The following PDE3B variants were observed in gnomAD, a reference collection of about 807,000 sequenced individuals.
The protein encoded by PDE3B is phosphodiesterase 3B.
A neutral mutation model predicts 116.8 loss-of-function variants in PDE3B; 66 were observed. The ratio of observed to expected loss-of-function variants is 0.56; its 90% CI spans 0.46 to 0.69. The LOEUF is 0.69. PDE3B is among the 30% of genes least tolerant of loss of function. The pLI, the probability that PDE3B is intolerant of heterozygous loss-of-function variation, is 0.00. For synonymous variants in PDE3B, 595 were observed against 533.6 expected (o/e 1.12, Z -1.59); for missense variants, 1,384 against 1,368.1 (o/e 1.01, Z -0.18).
chr11:14,888,576 G>A, the PDE3B span, among the ~76,000 whole-genome samples: 1 of 152,020 alleles, frequency 6.6e-6, no homozygotes, highest in African/African-American at 2.4e-5. Flanking sequence ...CCTTTCTTGG[G>A]GCACTCTTTT....
At position 14,849,397 on chromosome 11, in the gene PDE3B, T is replaced by C. The variant is rs1480768719; in HGVS notation, c.2520+5371T>C. 2.6e-5 allele frequency among the ~76,000 whole-genome samples: 4 copies of C among 152,224 alleles called. No individual in the cohort carries two copies. In the South Asian group the frequency reaches 8.3e-4, roughly 32 times the overall value. On this transcript the variant is annotated intron_variant, in intron 12 of 15. Coordinates refer to ENST00000282096, the MANE Select transcript of PDE3B (RefSeq NM_000922.4). ...ACCATAAAAACCCTAGAAGAAAACC[T>C]AGGCATTACCATTCAGGAGATAGGC...
chr11:14,824,067 G>C (rs1859609901), intron 7 of PDE3B, among the ~76,000 whole-genome samples: 1 of 152,134 alleles, frequency 6.6e-6, no homozygotes, highest in Non-Finnish European at 1.5e-5. Flanking sequence ...CAGAAAAGTG[G>C]TCGGACTGTT....
chr11:14,891,931 C>A, the PDE3B span: 1 of 1,590,666 alleles, frequency 6.3e-7, no homozygotes, highest in African/African-American at 1.3e-5. Context: ...CCCTGGCCAG[C>A]CCGGGCCAGC....
intron 7 of PDE3B, among the ~76,000 whole-genome samples, chr11:14,824,029 C>T (rs558237884): frequency 3.3e-5 from 5 of 152,294 alleles, no homozygotes; most frequent in African/African-American, 1.2e-4. Flanking sequence ...CTAGCTAGTC[C>T]ATACCCGAGC....
chr11:14,756,722 A>ATAG (rs1458309074), intron 1 of PDE3B, among the ~76,000 whole-genome samples: 1 of 152,178 alleles, frequency 6.6e-6, no homozygotes, highest in Non-Finnish European at 1.5e-5. Flanking sequence ...GCACATGGTA[A>ATAG]CATATTCTAA....
At chr11:14,654,030 C>T (rs1052715125) in intron 1 of PDE3B, among the ~76,000 whole-genome samples, 20 of 151,866 alleles carry the variant, frequency 1.3e-4, no homozygotes, top group Admixed American at 7.9e-4. Context: ...AAAACACACA[C>T]ACACAAAGTT....
Position 14,777,538 on chromosome 11 carries a change from A to C in PDE3B, c.1029+5551A>C, listed in dbSNP as rs753945659. ...AACACATAACCTATAGGGGAACACC[A>C]ATTCAAGTAATAGCAGATTTCTCAT... is the stretch of plus-strand genomic sequence containing the variant. On this transcript the variant is annotated intron_variant, in intron 2 of 15. Transcript: ENST00000282096. 6.1e-4 allele frequency among the ~76,000 whole-genome samples: 93 copies of C among 152,226 alleles called. 3 individuals carry two copies. The highest frequency in any genetic ancestry group is 1.2e-3 in the Admixed American group (19 of 15,288).
intron 14 of PDE3B, 133 bp downstream of exon 14, chr11:14,861,499 C>T (rs1555007176): frequency 6.3e-6 from 5 of 796,034 alleles, no homozygotes; most frequent in Non-Finnish European, 1.0e-5. Flanking sequence ...AAAATTGTTG[C>T]ATTTGCTTTG....
At chr11:14,782,868 A>G (rs1304329139) in intron 2 of PDE3B, among the ~76,000 whole-genome samples, 1 of 150,876 alleles carries the variant, frequency 6.6e-6, no homozygotes, top group African/African-American at 2.5e-5. Context: ...CCATCTGACA[A>G]AAGGGCTAAT....
At chr11:14,892,585 C>G in the PDE3B span, among the ~76,000 whole-genome samples, 1 of 152,166 alleles carries the variant, frequency 6.6e-6, no homozygotes, top group Non-Finnish European at 1.5e-5. Flanking sequence ...TTTTAAGTAC[C>G]AGGTCTGCTT....
chr11:14,723,722 A>C (rs539779524), intron 1 of PDE3B, among the ~76,000 whole-genome samples: 1 of 152,148 alleles, frequency 6.6e-6, no homozygotes, highest in Non-Finnish European at 1.5e-5. Flanking sequence ...TGATTGGGCC[A>C]CTGTACTCCA....
chr11:14,728,322 A>G (rs1226181601), intron 1 of PDE3B, among the ~76,000 whole-genome samples: 1 of 152,102 alleles, frequency 6.6e-6, no homozygotes, highest in East Asian at 1.9e-4. Flanking sequence ...TTGTAACCTA[A>G]TGAAAATGTT....
chr11:14,839,185 A>G (rs541475789), intron 11 of PDE3B, among the ~76,000 whole-genome samples: 1 of 152,286 alleles, frequency 6.6e-6, no homozygotes, highest in African/African-American at 2.4e-5. Flanking sequence ...AACCACACCC[A>G]TTTTCTGAAT....
chr11:14,832,856 A>G (rs894874123), intron 10 of PDE3B, 23 bp downstream of exon 10: 1 of 1,019,970 alleles, frequency 9.8e-7, no homozygotes. Flanking sequence ...ATATTTTATT[A>G]TTTAAGTTCA....
chr11:14,877,342 A>G, the PDE3B span: 1 of 152,214 alleles, frequency 6.6e-6, no homozygotes, highest in Non-Finnish European at 1.5e-5. Flanking sequence ...AGAGACCTCT[A>G]AAAGATATAA....
intron 1 of PDE3B, among the ~76,000 whole-genome samples, chr11:14,664,530 AAAG>A (rs1350489181): frequency 1.5e-5 from 1 of 66,148 alleles, no homozygotes; most frequent in Non-Finnish European, 4.5e-5. Flanking sequence ...CAAGACTAAT[AAAG>A]AAGAAAAGAG....
chr11:14,789,355 G>A (rs1590146480), intron 4 of PDE3B, 113 bp downstream of exon 4: 2 of 749,858 alleles, frequency 2.7e-6, no homozygotes, highest in East Asian at 5.4e-5. Context: ...AGTATTTTAG[G>A]TATAGGACAA....
chr11:14,760,913 TG>T (rs1284457571), intron 1 of PDE3B, among the ~76,000 whole-genome samples: 13 of 152,194 alleles, frequency 8.5e-5, no homozygotes, highest in African/African-American at 3.1e-4. Flanking sequence ...CTTTTCTTTG[TG>T]TTGGGAACAT....
In PDE3B at chr11:14,674,024, G is replaced by A. The variant is rs899964730; in HGVS notation, c.978+28971G>A. On this transcript the variant is annotated intron_variant, in intron 1 of 15. Coordinates refer to ENST00000282096, the MANE Select transcript of PDE3B (RefSeq NM_000922.4). ...GCAGGAAGTTAAAAGAGCTGTTTTC[G>A]TCTGGTAATTAAGTCCCAGTCATCA... 23 of 1,456,652 alleles carry A rather than the reference G, an allele frequency of 1.6e-5. 1 individual carries two copies. The East Asian group carries it at 1.8e-4, about 12-fold the overall frequency. The allele number at this position is 1,456,652 out of a possible 1,614,324, so 90.2% of individuals were successfully genotyped here. A position where few individuals can be genotyped will look rare whatever the true frequency, so the allele number is the denominator to read the frequency against.
Sources: gnomAD v4.1 joint callset for allele counts (sites outside exome capture counted in the v4.1 genomes callset) on GRCh38, gnomAD v4.1.1 for gene constraint, MANE v1.5 for transcripts, NCBI Gene and HGNC (gene_info 2026-07-23, HGNC 2026-07-21) for gene names.